Variants in RP1 observed in about 807,000 individuals in gnomAD.
RP1 encodes oxygen-regulated protein 1.
A neutral mutation model predicts 14.8 loss-of-function variants in RP1; 16 were observed. The ratio of observed to expected loss-of-function variants is 1.08; its 90% CI spans 0.73 to 1.65. RP1 has a LOEUF of 1.65. RP1 is among the 40% of genes most tolerant of loss of function. The pLI, the probability that RP1 is intolerant of heterozygous loss-of-function variation, is 0.00. For synonymous variants in RP1, 876 were observed against 883.6 expected (o/e 0.99, Z 0.15); for missense variants, 2,631 against 2,535.0 (o/e 1.04, Z -0.81).
chr8:54,654,110 A>C (rs2129326734), intron 5 of RP1, among the ~76,000 whole-genome samples: 1 of 152,352 alleles, frequency 6.6e-6, no homozygotes, highest in East Asian at 1.9e-4. Flanking sequence ...CCTGTGAAGA[A>C]GAAACACATT....
chr8:54,740,556 T>C (rs1003931466), intron 19 of RP1, among the ~76,000 whole-genome samples: 1 of 151,638 alleles, frequency 6.6e-6, no homozygotes, highest in African/African-American at 2.4e-5. Flanking sequence ...ATCTCATCTC[T>C]ACTAAAAATA....
At chr8:54,603,554 G>GT (rs1334401627) in intron 1 of RP1, among the ~76,000 whole-genome samples, 11 of 141,792 alleles carry the variant, frequency 7.8e-5, no homozygotes, top group Non-Finnish European at 1.4e-4. Context: ...CTTGAAAGTA[G>GT]TTTTTTCCAA....
At chr8:54,764,070 T>C (rs1453878431) in intron 22 of RP1, among the ~76,000 whole-genome samples, 1 of 152,174 alleles carries the variant, frequency 6.6e-6, no homozygotes, top group African/African-American at 2.4e-5. Flanking sequence ...CTCACGCCCT[T>C]TTCACGGTCC....
chr8:54,824,715 G>A (rs1427728380), intron 24 of RP1, among the ~76,000 whole-genome samples: 1 of 152,110 alleles, frequency 6.6e-6, no homozygotes, highest in African/African-American at 2.4e-5. Flanking sequence ...ATTATATACC[G>A]TGACCAAGTA....
chr8:54,726,399 A>G, exon 17 of RP1: 1 of 1,534,248 alleles, frequency 6.5e-7, no homozygotes, highest in Non-Finnish European at 8.7e-7. Context: ...GAAGAAGAAA[A>G]GATCCATGAG....
intron 15 of RP1, among the ~76,000 whole-genome samples, chr8:54,719,299 T>C (rs1808480630): frequency 6.6e-6 from 1 of 152,164 alleles, no homozygotes; most frequent in South Asian, 2.1e-4. Context: ...TCTTATTGAA[T>C]TTAGAACAAG....
At chr8:54,750,869 AT>A (rs1809349491) in intron 19 of RP1, among the ~76,000 whole-genome samples, 1 of 152,190 alleles carries the variant, frequency 6.6e-6, no homozygotes, top group African/African-American at 2.4e-5. Context: ...TGCAGGGAGG[AT>A]TGAAAAAGGG....
At chr8:54,603,866 T>A (rs969282070) in intron 1 of RP1, among the ~76,000 whole-genome samples, 12 of 152,212 alleles carry the variant, frequency 7.9e-5, no homozygotes, top group Non-Finnish European at 1.8e-4. Flanking sequence ...TAAGAATGCT[T>A]GTGATTTTTG....
chr8:54,843,807 CAG>C (rs980416460), intron 25 of RP1, among the ~76,000 whole-genome samples: 31 of 152,230 alleles, frequency 2.0e-4, no homozygotes, highest in African/African-American at 7.2e-4. Flanking sequence ...GGCTCAGGTG[CAG>C]AGGGAAGCAG....
At chr8:54,599,493 C>G (rs1229444773) in intron 1 of RP1, among the ~76,000 whole-genome samples, 1 of 149,756 alleles carries the variant, frequency 6.7e-6, no homozygotes, top group African/African-American at 2.5e-5. Context: ...GGGTCTCACT[C>G]TGTCGCCCAG....
intron 24 of RP1, among the ~76,000 whole-genome samples, chr8:54,833,411 G>T (rs1191363567): frequency 1.3e-5 from 2 of 151,942 alleles, no homozygotes; most frequent in Non-Finnish European, 2.9e-5. Flanking sequence ...CCCTCAAGCA[G>T]AATTTATTAT....
At chr8:54,670,722 G>T (rs1807161918) in intron 7 of RP1, among the ~76,000 whole-genome samples, 4 of 124,318 alleles carry the variant, frequency 3.2e-5, no homozygotes, top group Admixed American at 8.4e-5. Context: ...ATTAAGTCCT[G>T]GTGAATTAAC....
intron 24 of RP1, among the ~76,000 whole-genome samples, chr8:54,813,566 G>A (rs1386534401): frequency 6.6e-6 from 1 of 152,108 alleles, no homozygotes; most frequent in Non-Finnish European, 1.5e-5. Context: ...AAATTAATTA[G>A]TTTTAACATT....
chr8:54,847,810 G>C (rs1274461082), intron 25 of RP1, among the ~76,000 whole-genome samples: 2 of 152,174 alleles, frequency 1.3e-5, no homozygotes, highest in Non-Finnish European at 2.9e-5. Context: ...GTGTGTGTGG[G>C]GTCCACTTTT....
chr8:54,568,160 A>G (rs1432939399), intron 1 of RP1, among the ~76,000 whole-genome samples: 1 of 151,916 alleles, frequency 6.6e-6, no homozygotes, highest in Non-Finnish European at 1.5e-5. Flanking sequence ...GAAAAAGGGG[A>G]CCCCTCTTTA....
intron 17 of RP1, among the ~76,000 whole-genome samples, chr8:54,729,713 C>T (rs1042428581): frequency 4.0e-5 from 6 of 151,874 alleles, no homozygotes; most frequent in African/African-American, 1.4e-4. Flanking sequence ...AGGTACTAAT[C>T]ATTAAAGAAT....
Position 54,570,658 on chromosome 8 carries a change from A to G in RP1, c.-13+11338A>G, listed in dbSNP as rs1804500902. Among the ~76,000 whole-genome samples, 4 of 151,022 alleles carry G rather than the reference A, an allele frequency of 2.6e-5. No homozygotes were observed. The South Asian group carries it at 8.4e-4, about 32-fold the overall frequency. On this transcript the variant is annotated intron_variant, in intron 1 of 22. Transcript: ENST00000636932. ...AAACTTTTTTTTTTTTTTTAATCAA[A>G]CTATTCTTTGTTTTCAAACAAACAC...
intron 19 of RP1, among the ~76,000 whole-genome samples, chr8:54,751,662 G>T (rs1809374409): frequency 6.6e-6 from 1 of 152,178 alleles, no homozygotes; most frequent in Admixed American, 6.5e-5. Context: ...TGTTTCACTT[G>T]CCACATGCCT....
At chr8:54,571,845 T>G (rs904105649) in intron 1 of RP1, among the ~76,000 whole-genome samples, 1 of 152,052 alleles carries the variant, frequency 6.6e-6, no homozygotes, top group African/African-American at 2.4e-5. Context: ...AATCTTGCAC[T>G]CTCTCTGAAG....
Sources: gnomAD v4.1 joint callset for allele counts (sites outside exome capture counted in the v4.1 genomes callset) on GRCh38, gnomAD v4.1.1 for gene constraint, MANE v1.5 for transcripts, NCBI Gene and HGNC (gene_info 2026-07-23, HGNC 2026-07-21) for gene names.